PDIA5: variants seen among roughly 807,000 people sequenced by gnomAD.
The protein encoded by PDIA5 is protein disulfide isomerase family A member 5, also known as protein disulfide-isomerase A5.
A neutral mutation model predicts 77.6 loss-of-function variants in PDIA5; 58 were observed. That is an observed-to-expected ratio of 0.75 (90% CI 0.61 to 0.93). The LOEUF (loss-of-function observed/expected upper bound fraction) is 0.93. Ranked by LOEUF, PDIA5 falls within the 40% of genes least tolerant of loss-of-function variation. The pLI is 0.00. For missense variants in PDIA5, 630 were observed against 647.7 expected (o/e 0.97, Z 0.30); for synonymous variants, 250 against 252.1 (o/e 0.99, Z 0.08).
intron 10 of PDIA5, among the ~76,000 whole-genome samples, chr3:123,125,220 T>G (rs529722549): frequency 8.5e-5 from 13 of 152,358 alleles, no homozygotes; most frequent in Non-Finnish European, 1.6e-4. Context: ...TGCTGCTTCA[T>G]GAGTATTTGT....
chr3:123,122,640 C>G (rs1277119226), intron 8 of PDIA5, among the ~76,000 whole-genome samples: 1 of 152,116 alleles, frequency 6.6e-6, no homozygotes, highest in Non-Finnish European at 1.5e-5. Context: ...TGTGCTAAAA[C>G]CTCTCATCTC....
intron 6 of PDIA5, among the ~76,000 whole-genome samples, chr3:123,109,931 G>A (rs917755004): frequency 9.9e-5 from 15 of 152,262 alleles, no homozygotes; most frequent in African/African-American, 3.4e-4. Flanking sequence ...CCCATTGTGC[G>A]GGATGTGCCA....
At chr3:123,123,054 C>T (rs1333908259) in intron 8 of PDIA5, among the ~76,000 whole-genome samples, 7 of 152,254 alleles carry the variant, frequency 4.6e-5, no homozygotes, top group Non-Finnish European at 7.4e-5. Flanking sequence ...GTGGGAGGAT[C>T]GCTTGAGCCC....
At chr3:123,071,051 G>A (rs1007330167) in intron 1 of PDIA5, among the ~76,000 whole-genome samples, 1 of 152,134 alleles carries the variant, frequency 6.6e-6, no homozygotes, top group Non-Finnish European at 1.5e-5. Flanking sequence ...TTTGAAAAAT[G>A]AGGCTGGTTG....
intron 13 of PDIA5, among the ~76,000 whole-genome samples, chr3:123,146,736 GT>G (rs1267486320): frequency 6.6e-6 from 1 of 152,200 alleles, no homozygotes; most frequent in Non-Finnish European, 1.5e-5. Context: ...GTTTGCTAGT[GT>G]TGCCATAACC....
intron 7 of PDIA5, among the ~76,000 whole-genome samples, chr3:123,114,805 G>A (rs565809332): frequency 1.2e-4 from 19 of 152,306 alleles, no homozygotes; most frequent in African/African-American, 3.6e-4. Flanking sequence ...GCGGGCTCGC[G>A]CTGCAGGCTG....
At chr3:123,110,073 C>T (rs1490302384) in intron 6 of PDIA5, among the ~76,000 whole-genome samples, 3 of 152,172 alleles carry the variant, frequency 2.0e-5, no homozygotes, top group African/African-American at 2.4e-5. Flanking sequence ...TTACTTTAAT[C>T]GAAATATGCT....
At chr3:123,074,194 G>T (rs1252170083) in intron 1 of PDIA5, among the ~76,000 whole-genome samples, 1 of 152,140 alleles carries the variant, frequency 6.6e-6, no homozygotes, top group Non-Finnish European at 1.5e-5. Context: ...TCTTTTATGA[G>T]CCAGGCCTCA....
At chr3:123,146,511 T>C (rs867301221) in intron 13 of PDIA5, among the ~76,000 whole-genome samples, 2 of 152,216 alleles carry the variant, frequency 1.3e-5, no homozygotes, top group Admixed American at 1.3e-4. Flanking sequence ...TTTTTCTCTG[T>C]CTCAGCCTCC....
intron 3 of PDIA5, among the ~76,000 whole-genome samples, chr3:123,100,724 C>G (rs1934568234): frequency 6.6e-6 from 1 of 152,232 alleles, no homozygotes; most frequent in Admixed American, 6.5e-5. Flanking sequence ...CATCTTTACA[C>G]TTAAAATGAG....
intron 1 of PDIA5, among the ~76,000 whole-genome samples, chr3:123,072,948 G>GTGTGTGTGTGTGTGTGTGTGTGTGT (rs377523246): frequency 4.7e-5 from 7 of 149,396 alleles, no homozygotes; most frequent in South Asian, 2.1e-4. Context: ...GTGTGTATGT[G>GTGTGTGTGTGTGTGTGTGTGTGTGT]GTGTTGTTGT....
intron 6 of PDIA5, among the ~76,000 whole-genome samples, chr3:123,109,051 A>G (rs1560520955): frequency 1.3e-5 from 2 of 152,194 alleles, no homozygotes; most frequent in Admixed American, 1.3e-4. Flanking sequence ...TTCCTCCCCC[A>G]GACACAATGT....
intron 1 of PDIA5, among the ~76,000 whole-genome samples, chr3:123,081,736 G>C (rs748553259): frequency 6.6e-6 from 1 of 152,208 alleles, no homozygotes; most frequent in South Asian, 2.1e-4. Context: ...TTCATGGTCT[G>C]CATTGAATAG....
intron 1 of PDIA5, among the ~76,000 whole-genome samples, chr3:123,073,763 G>A (rs139109292): frequency 0.011 from 1,667 of 152,306 alleles, 32 homozygotes; most frequent in African/African-American, 0.038. Flanking sequence ...AGAGTTGCGG[G>A]GGCGCAAGGG....
At chr3:123,150,141 C>A (rs1935854804) in intron 13 of PDIA5, 93 bp from the exon 14 acceptor site, 3 of 837,280 alleles carry the variant, frequency 3.6e-6, no homozygotes, top group South Asian at 1.6e-5. Context: ...CATGCATGTT[C>A]CCCCGAGTGG....
At chr3:123,130,677 T>A in intron 11 of PDIA5, 61 bp downstream of exon 11, 1 of 1,576,488 alleles carries the variant, frequency 6.3e-7, no homozygotes, top group Admixed American at 1.7e-5. Context: ...AGGATGAGTG[T>A]GGCGCTTTGC....
chr3:123,135,493 G>T (rs533755909), intron 11 of PDIA5, among the ~76,000 whole-genome samples: 26 of 152,188 alleles, frequency 1.7e-4, no homozygotes, highest in Non-Finnish European at 3.1e-4. Flanking sequence ...TCTGAGATGG[G>T]ATGTTTTCTT....
At chr3:123,072,126 G>C (rs578036133) in intron 1 of PDIA5, among the ~76,000 whole-genome samples, 4 of 152,040 alleles carry the variant, frequency 2.6e-5, no homozygotes, top group Non-Finnish European at 5.9e-5. Flanking sequence ...TTGGGTGGGA[G>C]GGGGAGAGAC....
intron 11 of PDIA5, among the ~76,000 whole-genome samples, chr3:123,134,018 TC>T (rs1935433952): frequency 6.7e-6 from 1 of 150,368 alleles, no homozygotes; most frequent in African/African-American, 2.5e-5. Flanking sequence ...TCTTTTCTTT[TC>T]CTTTTCTTTT....
Sources: gnomAD v4.1 joint callset for allele counts (sites outside exome capture counted in the v4.1 genomes callset) on GRCh38, gnomAD v4.1.1 for gene constraint, MANE v1.5 for transcripts, NCBI Gene and HGNC (gene_info 2026-07-23, HGNC 2026-07-21) for gene names.